CCDC92B: variants seen among roughly 807,000 people sequenced by gnomAD.
CCDC92B encodes coiled-coil domain containing 92B, also known as coiled-coil domain-containing 92B.
A neutral mutation model predicts 5.6 loss-of-function variants in CCDC92B; 2 were observed. The observed-to-expected ratio is 0.36, with a 90% CI of 0.15 to 1.12. CCDC92B has a LOEUF of 1.12. Ranked by LOEUF, CCDC92B falls within the 50% of genes most tolerant of loss-of-function variation. The probability of loss-of-function intolerance (pLI) is 0.40; values close to 1 mark genes in which losing one functional copy is unlikely to be tolerated. For missense variants in CCDC92B, 271 were observed against 262.2 expected, an observed-to-expected ratio of 1.03 and a Z score of -0.23; for synonymous variants, 115 against 122.3, an observed-to-expected ratio of 0.94 and a Z score of 0.39.
chr17:2,742,838 A>C (rs1024739269), intron 1 of CCDC92B, among the ~76,000 whole-genome samples: 1 of 152,176 alleles, frequency 6.6e-6, no homozygotes, highest in Non-Finnish European at 1.5e-5. Context: ...ACTGTTCGCC[A>C]TCTTGATAAA....
At position 2,730,479 on chromosome 17, in the gene CCDC92B, G is replaced by C. The variant is rs1442742358; in HGVS notation, c.145C>G (p.Leu49Val). 1.0e-6 allele frequency: 1 copy of C among 984,472 alleles called. No individual in the cohort carries two copies. The highest frequency in any genetic ancestry group is 1.2e-6 in the Non-Finnish European group (1 of 830,140). The allele number at this position is 984,472 out of a possible 1,614,324, so 61.0% of individuals were successfully genotyped here. A position where few individuals can be genotyped will look rare whatever the true frequency, so the allele number is the denominator to read the frequency against. The change falls in exon 3 of 4, where the codon CTG (leucine) becomes GTG (valine). Residue 49 changes from leucine to valine, a missense_variant. Coordinates refer to ENST00000614400, the MANE Select transcript of CCDC92B (RefSeq NM_001355573.2). Reference sequence around the variant, plus strand: ...TGAGATTGGGCCTCTCTCATTTCCAGGTCATGGGTCAGTTCTGGGGGGAAA... The same window carrying C: ...TGAGATTGGGCCTCTCTCATTTCCACGTCATGGGTCAGTTCTGGGGGGAAA... ...QKRCSELTHD[L>V]EMREAQSHQQ... is the part of the protein sequence containing the mutation.
intron 3 of CCDC92B, among the ~76,000 whole-genome samples, chr17:2,727,960 A>G (rs2070752155): frequency 6.6e-6 from 1 of 152,076 alleles, no homozygotes; most frequent in South Asian, 2.1e-4. Flanking sequence ...GTGAGCTATG[A>G]TTCTGCTACT....
Position 2,724,120 on chromosome 17 carries a change from G to C in CCDC92B, c.*291C>G. 4 of 985,270 alleles carry C rather than the reference G, an allele frequency of 4.1e-6. No homozygotes were observed. The highest frequency in any genetic ancestry group is 4.8e-6 in the Non-Finnish European group (4 of 829,872). The allele number at this position is 985,270 out of a possible 1,614,324, so 61.0% of individuals were successfully genotyped here. On this transcript the variant is annotated 3_prime_UTR_variant, in exon 4 of 4. Transcript: ENST00000614400. This position sits in a 1 kb window ranked among gnomAD's most constrained non-coding sequence, Gnocchi z 5.0. ...TGGCCCCCGCCCCTCCTGTCTCACA[G>C]GCAGGTGGGACCAGGCCAGGATCGG...
At chr17:2,725,198 A>G (rs1281479275) in intron 3 of CCDC92B, among the ~76,000 whole-genome samples, 198 bp from the exon 4 acceptor site, 3 of 151,760 alleles carry the variant, frequency 2.0e-5, no homozygotes, top group Non-Finnish European at 4.4e-5. Context: ...ACATGGTGAA[A>G]CCCAGTCTCT....
chr17:2,746,389 C>T (rs190844955), intron 1 of CCDC92B, among the ~76,000 whole-genome samples: 67 of 152,320 alleles, frequency 4.4e-4, no homozygotes, highest in African/African-American at 1.5e-3. Context: ...AGGATTAATT[C>T]CAAGTACTTT....
chr17:2,735,258 T>A, intron 1 of CCDC92B, 90 bp from the exon 2 acceptor site: 2 of 876,464 alleles, frequency 2.3e-6, no homozygotes, highest in Non-Finnish European at 2.7e-6. Context: ...CCGCTCTAGG[T>A]CCTGTTGCCA....
intron 3 of CCDC92B, among the ~76,000 whole-genome samples, chr17:2,725,363 A>T (rs1189675630): frequency 2.0e-5 from 3 of 151,940 alleles, no homozygotes; most frequent in Non-Finnish European, 2.9e-5. Flanking sequence ...AGCCTAGGTG[A>T]CACAACGAGA....
chr17:2,738,813 G>A (rs1418607890), intron 1 of CCDC92B, among the ~76,000 whole-genome samples: 2 of 151,300 alleles, frequency 1.3e-5, no homozygotes, highest in Non-Finnish European at 2.9e-5. Context: ...GCTCACGCCT[G>A]TAATCCCAGC....
At chr17:2,732,498 T>C (rs1481394968) in intron 2 of CCDC92B, among the ~76,000 whole-genome samples, 1 of 151,202 alleles carries the variant, frequency 6.6e-6, no homozygotes, top group African/African-American at 2.4e-5. Context: ...GGGCAGATCA[T>C]CTGAGGTCAG....
chr17:2,724,535 T>C lies in CCDC92B; in HGVS notation c.644A>G (p.Tyr215Cys), dbSNP rs2070700778. 3 of 981,488 alleles carry C rather than the reference T, an allele frequency of 3.1e-6. No homozygotes were observed. The Admixed American group carries it at 1.9e-4, about 61-fold the overall frequency. 60.8% of individuals were successfully genotyped at this position (981,488 alleles called of 1,614,324 possible). The change falls in exon 4 of 4, where the codon TAT becomes TGT. Residue 215 changes from tyrosine (Y) to cysteine (C), a missense_variant. By Grantham distance (194) the Tyr-to-Cys change is radical. Transcript: ENST00000614400. The surrounding 1 kb of genome is among the most constrained non-coding windows in gnomAD (Gnocchi z 5.0). ...DPMPDPALFL[Y>C]ARRPLRPSAR... ...GCTGGGCCGCAGCGGCCTGCGTGCA[T>C]AGAGGAAGAGCGCGGGGTCGGGCAT...
chr17:2,745,628 T>G (rs2070976963), intron 1 of CCDC92B, among the ~76,000 whole-genome samples: 1 of 152,194 alleles, frequency 6.6e-6, no homozygotes, highest in African/African-American at 2.4e-5. Context: ...AATCTCTCTG[T>G]CTGGCTGGGG....
chr17:2,735,211 C>G (rs1424411394), intron 1 of CCDC92B, 43 bp from the exon 2 acceptor site: 10 of 984,912 alleles, frequency 1.0e-5, no homozygotes, highest in South Asian at 4.7e-5. Flanking sequence ...CTGAGCCCAT[C>G]TGCGCTGCCC....
chr17:2,737,572 T>G (rs1436109742), intron 1 of CCDC92B, among the ~76,000 whole-genome samples: 1 of 144,592 alleles, frequency 6.9e-6, no homozygotes, highest in South Asian at 2.3e-4. Context: ...CCTCCCAAGT[T>G]CACGCCATTC....
At chr17:2,729,248 T>C (rs2070768801) in intron 3 of CCDC92B, among the ~76,000 whole-genome samples, 2 of 152,268 alleles carry the variant, frequency 1.3e-5, no homozygotes, top group South Asian at 2.1e-4. Flanking sequence ...TCCAGCACTT[T>C]GCAAGGCTGA....
chr17:2,747,182 C>T (rs1487407675), intron 1 of CCDC92B, among the ~76,000 whole-genome samples: 1 of 152,216 alleles, frequency 6.6e-6, no homozygotes, highest in Non-Finnish European at 1.5e-5. Context: ...TCTGCCACCC[C>T]TCACTCACTG....
At chr17:2,725,074 G>A (rs1029083580) in intron 3 of CCDC92B, 74 bp from the exon 4 acceptor site, 1 of 984,208 alleles carries the variant, frequency 1.0e-6, no homozygotes, top group Non-Finnish European at 1.2e-6. Flanking sequence ...TCAGAGCTCC[G>A]TGTAACAAAA....
At chr17:2,747,958 A>T in intron 1 of CCDC92B, 1 of 354,752 alleles carries the variant, frequency 2.8e-6, no homozygotes, top group South Asian at 2.1e-5. Context: ...AGATTCTATT[A>T]ATGTATCCAC....
rs1430919352 is a variant in CCDC92B at position 2,722,345 on chromosome 17, G to T, written c.*2066C>A. ...AGGACTAGTAGAGAGTAGAGGTGGG[G>T]GCAGGCAGAGCAAGGACCCCAGGCC... On this transcript the variant is annotated 3_prime_UTR_variant, in exon 4 of 4. Coordinates refer to ENST00000614400, the MANE Select transcript of CCDC92B (RefSeq NM_001355573.2). The T allele has an allele frequency of 1.3e-5, 2 of 152,480 alleles. No homozygotes were observed. The highest frequency in any genetic ancestry group is 4.8e-5 in the African/African-American group (2 of 41,440). 9.4% of individuals were successfully genotyped at this position (152,480 alleles called of 1,614,324 possible).
At chr17:2,736,331 GC>G (rs1344712892) in intron 1 of CCDC92B, among the ~76,000 whole-genome samples, 1 of 152,116 alleles carries the variant, frequency 6.6e-6, no homozygotes, top group East Asian at 1.9e-4. Context: ...GAAGGCTGAG[GC>G]AGGAGAATGG....
Sources: allele counts gnomAD v4.1 joint callset (sites outside exome capture counted in the v4.1 genomes callset), GRCh38; gene constraint gnomAD v4.1.1; non-coding constraint Gnocchi (gnomAD v3.1); transcripts MANE v1.5; gene names NCBI Gene and HGNC (gene_info 2026-07-23, HGNC 2026-07-21).